Variants in PDGFRL observed in about 807,000 individuals in gnomAD.
The protein encoded by PDGFRL is platelet-derived growth factor receptor-like protein.
In PDGFRL, 46 loss-of-function variants were observed where a neutral mutation model predicts 37.2. The observed-to-expected ratio is 1.24, with a 90% confidence interval of 0.98 to 1.58. The LOEUF (loss-of-function observed/expected upper bound fraction) is 1.58. Ranked by LOEUF, PDGFRL falls within the 40% of genes most tolerant of loss-of-function variation. The pLI is 0.00. For synonymous variants in PDGFRL, 251 were observed against 184.3 expected (o/e 1.36, Z -2.93); for missense variants, 692 against 467.6 (o/e 1.48, Z -4.43).
At chr8:17,595,162 A>C (rs1228049959) in intron 2 of PDGFRL, among the ~76,000 whole-genome samples, 2 of 152,104 alleles carry the variant, frequency 1.3e-5, no homozygotes, top group Non-Finnish European at 2.9e-5. Flanking sequence ...TGCCCAGAGC[A>C]AGGCCCCCCA....
chr8:17,595,722 G>A (rs527279965), intron 2 of PDGFRL, among the ~76,000 whole-genome samples: 2 of 152,196 alleles, frequency 1.3e-5, no homozygotes, highest in Admixed American at 6.5e-5. Context: ...GGTGGGGCGG[G>A]GGTGCTGGGT....
intron 2 of PDGFRL, among the ~76,000 whole-genome samples, chr8:17,596,037 C>T (rs1804045377): frequency 6.6e-6 from 1 of 152,210 alleles, no homozygotes; most frequent in South Asian, 2.1e-4. Flanking sequence ...GTGGGGCCTC[C>T]ACAGACTCCG....
intron 1 of PDGFRL, among the ~76,000 whole-genome samples, chr8:17,577,767 C>A (rs1477910559): frequency 6.6e-5 from 10 of 151,590 alleles, no homozygotes; most frequent in African/African-American, 2.4e-4. Flanking sequence ...GTGACCTCCC[C>A]CTCCCCTCGC....
At chr8:17,637,334 G>A (rs1170531330) in intron 5 of PDGFRL, among the ~76,000 whole-genome samples, 1 of 152,160 alleles carries the variant, frequency 6.6e-6, no homozygotes, top group Non-Finnish European at 1.5e-5. Context: ...TGTCTGTTGA[G>A]ATGATCATGT....
At chr8:17,634,971 AG>A (rs146668027) in intron 5 of PDGFRL, among the ~76,000 whole-genome samples, 3,408 of 128,462 alleles carry the variant, frequency 0.027, 122 homozygotes, top group African/African-American at 0.097. Flanking sequence ...CTAAAATAAA[AG>A]GTTTTTTTTT....
rs548062841 is a variant in PDGFRL, at chr8:17,612,245, C to A, written c.354-8806C>A. On this transcript the variant is annotated intron_variant, in intron 2 of 5. Transcript: ENST00000251630. ...TCCAGGTATTTAAATACACATGAGC[C>A]CTTGTGCTTACGCATTTATGCAGTA... 2.6e-5 allele frequency among the ~76,000 whole-genome samples: 4 copies of A among 152,278 alleles called. No individual in the cohort carries two copies. The South Asian group carries it at 6.2e-4, about 24-fold the overall frequency.
intron 5 of PDGFRL, among the ~76,000 whole-genome samples, chr8:17,637,985 A>T (rs1264167280): frequency 1.3e-5 from 2 of 151,968 alleles, no homozygotes; most frequent in Non-Finnish European, 2.9e-5. Flanking sequence ...TATCAGTTTT[A>T]TTTATCTTTT....
chr8:17,608,818 G>A (rs1049418087), intron 2 of PDGFRL, among the ~76,000 whole-genome samples: 21 of 152,228 alleles, frequency 1.4e-4, no homozygotes, highest in Middle Eastern at 3.4e-3. Context: ...AAGGAGAGAA[G>A]GCAGCTGTGA....
chr8:17,617,617 T>C (rs1394571948), intron 2 of PDGFRL, among the ~76,000 whole-genome samples: 2 of 152,168 alleles, frequency 1.3e-5, no homozygotes, highest in Admixed American at 6.5e-5. Context: ...GAAACTGTAA[T>C]CCCACTAAAT....
intron 2 of PDGFRL, among the ~76,000 whole-genome samples, chr8:17,609,665 A>G (rs6984451): frequency 2.1e-5 from 2 of 97,524 alleles, no homozygotes; most frequent in African/African-American, 4.0e-5. Context: ...AAAAAAAAAA[A>G]TAAGAGCCAA....
At position 17,583,002 on chromosome 8, in the gene PDGFRL, A is replaced by C. The variant is rs182435036; in HGVS notation, c.55+5695A>C. 2.2e-4 allele frequency among the ~76,000 whole-genome samples: 34 copies of C among 152,280 alleles called. No homozygotes were observed. The East Asian group carries it at 6.2e-3, about 28-fold the overall frequency. ...CCCAGGTGTGGTTCCAGATGGGCGA[A>C]TAAGAGCAGAAGAGGCCAATAAGCA... On this transcript the variant is annotated intron_variant, in intron 1 of 5. Transcript: ENST00000251630.
chr8:17,623,076 G>A (rs77826675), intron 3 of PDGFRL, among the ~76,000 whole-genome samples: 9,357 of 152,124 alleles, frequency 0.062, 429 homozygotes, highest in Non-Finnish European at 0.098. Context: ...CAACATCCCT[G>A]GGAAATAAGC....
rs144783998 is a variant in PDGFRL at position 17,593,947 on chromosome 8, A to G, written c.353+4182A>G. 5.3e-3 allele frequency among the ~76,000 whole-genome samples: 812 copies of G among 152,160 alleles called. 6 individuals carry two copies. Among genetic ancestry groups the G allele is most frequent in the African/African-American group, 0.017 (725 of 41,538 alleles). ...TTTGAAGTGTACAGTATTGTTAACT[A>G]TAGGCACATGGTTGTATAATAGACC... On this transcript the variant is annotated intron_variant, in intron 2 of 5. Coordinates refer to ENST00000251630, the MANE Select transcript of PDGFRL (RefSeq NM_001372073.1).
At chr8:17,612,325 C>A (rs1339196074) in intron 2 of PDGFRL, among the ~76,000 whole-genome samples, 1 of 151,890 alleles carries the variant, frequency 6.6e-6, no homozygotes, top group African/African-American at 2.4e-5. Context: ...TATAGCTTTT[C>A]TTTTCTTTTC....
rs1041303742 is a variant in PDGFRL, at chr8:17,588,480, C to T, written c.56-988C>T. 3.3e-5 allele frequency among the ~76,000 whole-genome samples: 5 copies of T among 149,396 alleles called. No homozygotes were observed. In the Admixed American group the frequency reaches 3.4e-4, roughly 10 times the overall value. ...TTGCTTGAGGCCAGGAGTTTGAGACCAGCTTGGGCAACATAGCAAGGCCCC... is the reference window on the plus strand; with the variant it reads ...TTGCTTGAGGCCAGGAGTTTGAGACTAGCTTGGGCAACATAGCAAGGCCCC... On this transcript the variant is annotated intron_variant, in intron 1 of 5. Coordinates refer to ENST00000251630, the MANE Select transcript of PDGFRL (RefSeq NM_001372073.1).
intron 1 of PDGFRL, among the ~76,000 whole-genome samples, chr8:17,586,157 T>C (rs1803810306): frequency 6.6e-6 from 1 of 152,208 alleles, no homozygotes; most frequent in Admixed American, 6.5e-5. Flanking sequence ...TTTTACTATG[T>C]TGGCCAGGCT....
intron 2 of PDGFRL, among the ~76,000 whole-genome samples, chr8:17,599,124 A>T (rs1370876149): frequency 6.6e-6 from 1 of 151,330 alleles, no homozygotes; most frequent in African/African-American, 2.4e-5. Flanking sequence ...TTATGTCTTT[A>T]CTTCTCTCTC....
intron 2 of PDGFRL, among the ~76,000 whole-genome samples, chr8:17,606,894 G>GTTTT (rs1198809504): frequency 4.9e-5 from 6 of 123,682 alleles, no homozygotes; most frequent in African/African-American, 1.5e-4. Flanking sequence ...TTGTTTTTTT[G>GTTTT]TTTTTTTTTT....
chr8:17,591,240 G>T (rs2720583), intron 2 of PDGFRL, among the ~76,000 whole-genome samples: 1 of 152,084 alleles, frequency 6.6e-6, no homozygotes, highest in African/African-American at 2.4e-5. Flanking sequence ...GGCCTCAACT[G>T]GTAAGAAGGC....
Sources: gnomAD v4.1 joint callset for allele counts (sites outside exome capture counted in the v4.1 genomes callset) on GRCh38, gnomAD v4.1.1 for gene constraint, MANE v1.5 for transcripts, NCBI Gene and HGNC (gene_info 2026-07-23, HGNC 2026-07-21) for gene names.